NTPCR: variants seen among roughly 807,000 people sequenced by gnomAD.
The protein encoded by NTPCR is cancer-related nucleoside-triphosphatase.
In NTPCR, 15 loss-of-function variants were observed where a neutral mutation model predicts 19.5. That is an observed-to-expected ratio of 0.77 (90% CI 0.51 to 1.18). The LOEUF (loss-of-function observed/expected upper bound fraction) is 1.18, where lower values mean the gene tolerates loss of function less well. Ranked by LOEUF, NTPCR falls within the 50% of genes most tolerant of loss-of-function variation. The probability of loss-of-function intolerance (pLI) is 0.00; values close to 1 mark genes in which losing one functional copy is unlikely to be tolerated. For synonymous variants in NTPCR, 90 were observed against 95.8 expected, an observed-to-expected ratio of 0.94 and a Z score of 0.36; for missense variants, 206 against 240.4, an observed-to-expected ratio of 0.86 and a Z score of 0.95.
rs569872374 is a variant in NTPCR, at chr1:232,982,354, G to C, written c.*4123G>C. 1 of 152,196 alleles carries C rather than the reference G, an allele frequency of 6.6e-6. No individual in the cohort carries two copies. Among genetic ancestry groups the C allele is most frequent in the East Asian group, 1.9e-4 (1 of 5,186 alleles). The allele number at this position is 152,196 out of a possible 1,614,324, so 9.4% of individuals were successfully genotyped here. On this transcript the variant is annotated 3_prime_UTR_variant, in exon 5 of 5. Coordinates refer to ENST00000366628, the MANE Select transcript of NTPCR (RefSeq NM_032324.3). ...TGGGTGCAGTTGCCTGCGGATGTGTGTGCACATCTGTGCCTCGGTATGCAC... is the reference window on the plus strand; with the variant it reads ...TGGGTGCAGTTGCCTGCGGATGTGTCTGCACATCTGTGCCTCGGTATGCAC...
intron 3 of NTPCR, chr1:232,962,247 T>G (rs1484116273): frequency 1.3e-5 from 2 of 151,884 alleles, no homozygotes; most frequent in African/African-American, 4.8e-5. Flanking sequence ...TACTATCCAT[T>G]AAAAAAAATG....
chr1:232,973,821 G>C (rs1404670272), intron 4 of NTPCR, among the ~76,000 whole-genome samples: 1 of 152,208 alleles, frequency 6.6e-6, no homozygotes, highest in African/African-American at 2.4e-5. Context: ...AGAGATGACA[G>C]GAGAAAGAAT....
intron 4 of NTPCR, among the ~76,000 whole-genome samples, chr1:232,972,324 G>A (rs1042218007): frequency 3.2e-4 from 48 of 152,162 alleles, no homozygotes; most frequent in Admixed American, 2.9e-3. Context: ...ATTTTTTTGA[G>A]GGGGAGGGAC....
Position 232,980,948 on chromosome 1 carries a change from CAG to C in NTPCR, c.*2719_*2720del, listed in dbSNP as rs991101972. ...TATTCAAACAAAGCAAAATATCTAACAGATGGTTGGATATGAGTCTCAGGGAG... is the reference window on the plus strand; with the variant it reads ...TATTCAAACAAAGCAAAATATCTAACATGGTTGGATATGAGTCTCAGGGAG... On this transcript the variant is annotated 3_prime_UTR_variant, in exon 5 of 5. Transcript: ENST00000366628. The C allele has an allele frequency of 2.0e-5, 3 of 152,162 alleles. No homozygotes were observed. Among genetic ancestry groups the C allele is most frequent in the Admixed American group, 2.0e-4 (3 of 15,272 alleles). 9.4% of individuals were successfully genotyped at this position (152,162 alleles called of 1,614,324 possible).
chr1:232,955,739 G>T lies in NTPCR; in HGVS notation c.197+20G>T, dbSNP rs1359801446. 6.2e-7 allele frequency: 1 copy of T among 1,611,540 alleles called. No individual in the cohort carries two copies. The highest frequency in any genetic ancestry group is 1.7e-5 in the Admixed American group (1 of 59,926). On this transcript the variant is annotated intron_variant, in intron 2 of 4. Transcript: ENST00000366628. ...AGTTGGGTACTGATATTTCATTTCT[G>T]TGGTGTTCTATTATCTAAGCTCCCC...
chr1:232,958,187 C>T (rs1668565126), intron 3 of NTPCR, among the ~76,000 whole-genome samples: 1 of 152,204 alleles, frequency 6.6e-6, no homozygotes, highest in African/African-American at 2.4e-5. Flanking sequence ...CAAAAACCAA[C>T]TATAAACTAT....
At position 232,966,315 on chromosome 1, in the gene NTPCR, TAA is replaced by T. The variant is rs1269873541; in HGVS notation, c.295-3593_295-3592del. 2.0e-5 allele frequency: 3 copies of T among 152,150 alleles called. No homozygotes were observed. In the East Asian group the frequency reaches 5.8e-4, roughly 29 times the overall value. 9.4% of individuals were successfully genotyped at this position (152,150 alleles called of 1,614,324 possible). ...TTCCATACTTGCTGTCCCAGGTGGG[TAA>T]GCTCAGGAGCTAGTCTGTGTGTCTG... is the stretch of plus-strand genomic sequence containing the variant. On this transcript the variant is annotated intron_variant, in intron 3 of 4. Coordinates refer to ENST00000366628, the MANE Select transcript of NTPCR (RefSeq NM_032324.3).
intron 1 of NTPCR, among the ~76,000 whole-genome samples, chr1:232,952,485 A>G (rs2102734451): frequency 6.6e-6 from 1 of 151,798 alleles, no homozygotes; most frequent in East Asian, 1.9e-4. Context: ...CTGGGATTAT[A>G]AGTGTGAGCC....
chr1:232,972,508 C>T (rs1669012165), intron 4 of NTPCR, among the ~76,000 whole-genome samples: 2 of 152,044 alleles, frequency 1.3e-5, no homozygotes, highest in Admixed American at 6.5e-5. Flanking sequence ...CTCACTGCAT[C>T]CTCTGCCTCC....
At chr1:232,958,918 G>A (rs890882865) in intron 3 of NTPCR, among the ~76,000 whole-genome samples, 12 of 152,176 alleles carry the variant, frequency 7.9e-5, no homozygotes, top group African/African-American at 2.7e-4. Flanking sequence ...CAGGTGTTTA[G>A]TGTCTAGATG....
chr1:232,960,699 TAAA>T (rs897588148), intron 3 of NTPCR, among the ~76,000 whole-genome samples: 30 of 152,000 alleles, frequency 2.0e-4, no homozygotes, highest in African/African-American at 6.5e-4. Context: ...TCGTGAGAAA[TAAA>T]GAAAAATAGA....
rs938240913 is a variant in NTPCR at position 232,982,429 on chromosome 1, A to G, written c.*4198A>G. The G allele has an allele frequency of 2.6e-5, 4 of 152,222 alleles. No individual in the cohort carries two copies. Among genetic ancestry groups the G allele is most frequent in the Admixed American group, 6.5e-5 (1 of 15,290 alleles). The allele number at this position is 152,222 out of a possible 1,614,324, so 9.4% of individuals were successfully genotyped here. ...CGGTGCAGAGCGTCACTGCATTCCT[A>G]TCTGATTAATGTGACCTTAGTGTTG... On this transcript the variant is annotated 3_prime_UTR_variant, in exon 5 of 5. Coordinates refer to ENST00000366628, the MANE Select transcript of NTPCR (RefSeq NM_032324.3).
At position 232,978,200 on chromosome 1, in the gene NTPCR, T is replaced by C. The variant is rs1455783707; in HGVS notation, c.542T>C (p.Ile181Thr). The C allele has an allele frequency of 1.5e-5, 25 of 1,614,216 alleles. No individual in the cohort carries two copies. The highest frequency in any genetic ancestry group is 2.0e-5 in the Non-Finnish European group (24 of 1,180,028). The change falls in exon 5 of 5, where the codon ATC (isoleucine) becomes ACC (threonine). Residue 181 changes from isoleucine (I) to threonine (T), a missense_variant. Physicochemically the swap from Ile to Thr is moderately conservative, Grantham distance 89. Coordinates refer to ENST00000366628, the MANE Select transcript of NTPCR (RefSeq NM_032324.3). ...AACAGAAACCACCTTCTGCCAGATA[T>C]CGTGACGTGCGTGCAGAGCAGCAGG... ...KENRNHLLPD[I>T]VTCVQSSRK
In NTPCR at chr1:232,958,682, G is replaced by A. The variant is rs140791237; in HGVS notation, c.294+2239G>A. ...CTCAGTTCCTGTGCTGGGGACTCTC[G>A]TGGCCACTGTGTTTTGCGGGAGCAG... On this transcript the variant is annotated intron_variant, in intron 3 of 4. Transcript: ENST00000366628. 5.3e-5 allele frequency among the ~76,000 whole-genome samples: 8 copies of A among 152,196 alleles called. No homozygotes were observed. The East Asian group carries it at 9.6e-4, about 18-fold the overall frequency.
At position 232,979,094 on chromosome 1, in the gene NTPCR, A is replaced by G. The variant is rs996137293; in HGVS notation, c.*863A>G. 1 of 152,196 alleles carries G rather than the reference A, an allele frequency of 6.6e-6. No homozygotes were observed. The highest frequency in any genetic ancestry group is 1.5e-5 in the Non-Finnish European group (1 of 68,040). 9.4% of individuals were successfully genotyped at this position (152,196 alleles called of 1,614,324 possible). On this transcript the variant is annotated 3_prime_UTR_variant, in exon 5 of 5. Coordinates refer to ENST00000366628, the MANE Select transcript of NTPCR (RefSeq NM_032324.3). The surrounding 1 kb of genome is among the most constrained non-coding windows in gnomAD (Gnocchi z 5.3). ...CTGGGCTTATCAGGAATAATGGTGTAGCAATGCGGAGTTCAGCCCATAACA... is the reference window on the plus strand; with the variant it reads ...CTGGGCTTATCAGGAATAATGGTGTGGCAATGCGGAGTTCAGCCCATAACA...
rs376538599 is a variant in NTPCR at position 232,978,262 on chromosome 1, A to C, written c.*31A>C. 2.2e-5 allele frequency: 35 copies of C among 1,599,754 alleles called. No homozygotes were observed. The highest frequency in any genetic ancestry group is 2.7e-5 in the Non-Finnish European group (32 of 1,167,746). On this transcript the variant is annotated 3_prime_UTR_variant, in exon 5 of 5. Transcript: ENST00000366628. Reference sequence around the variant, plus strand: ...CGTGCATTCCTGCCTTCCGTGAAGGAGTGCCCAGTTCAAGAGGAGCCTGAT... The same window carrying C: ...CGTGCATTCCTGCCTTCCGTGAAGGCGTGCCCAGTTCAAGAGGAGCCTGAT...
At chr1:232,970,876 A>G (rs201048258) in intron 4 of NTPCR, among the ~76,000 whole-genome samples, 2 of 152,212 alleles carry the variant, frequency 1.3e-5, no homozygotes, top group East Asian at 3.9e-4. Flanking sequence ...GAATGGCAGC[A>G]TGGGCATCAC....
intron 3 of NTPCR, chr1:232,969,666 G>A (rs549261241): frequency 4.6e-6 from 2 of 432,606 alleles, no homozygotes; most frequent in East Asian, 3.8e-5. Context: ...ACATCCCACT[G>A]GTGACAGGCA....
At chr1:232,959,982 G>A (rs1034153386) in intron 3 of NTPCR, among the ~76,000 whole-genome samples, 1 of 152,030 alleles carries the variant, frequency 6.6e-6, no homozygotes, top group Non-Finnish European at 1.5e-5. Context: ...AGTCTGAGGT[G>A]AGTGGATAAC....
Sources: gnomAD v4.1 joint callset for allele counts (sites outside exome capture counted in the v4.1 genomes callset) on GRCh38, gnomAD v4.1.1 for gene constraint, Gnocchi (gnomAD v3.1) non-coding constraint, MANE v1.5 for transcripts, NCBI Gene and HGNC (gene_info 2026-07-23, HGNC 2026-07-21) for gene names.